The following SAXO1 variants were observed in gnomAD, a reference collection of about 807,000 sequenced individuals.
SAXO1 encodes the protein stabilizer of axonemal microtubules 1, also known as 4930500O09Rik.
A neutral mutation model predicts 17.5 loss-of-function variants in SAXO1; 21 were observed. The ratio of observed to expected loss-of-function variants is 1.20; its 90% CI spans 0.85 to 1.72. The LOEUF is 1.72. Among genes scored for constraint, SAXO1 ranks in the 40% most tolerant of loss-of-function variants. The pLI is 0.00. For missense variants in SAXO1, 843 were observed against 596.0 expected, an observed-to-expected ratio of 1.41 and a Z score of -4.32; for synonymous variants, 274 against 216.5, an observed-to-expected ratio of 1.27 and a Z score of -2.33.
At chr9:18,934,381 G>C (rs1831196601) in intron 3 of SAXO1, among the ~76,000 whole-genome samples, 1 of 152,034 alleles carries the variant, frequency 6.6e-6, no homozygotes, top group East Asian at 1.9e-4. Flanking sequence ...CTGTTCTTCA[G>C]ATTGGGAATC....
intron 1 of SAXO1, among the ~76,000 whole-genome samples, chr9:18,952,647 T>C (rs930454241): frequency 1.8e-4 from 27 of 152,236 alleles, no homozygotes; most frequent in African/African-American, 6.5e-4. Flanking sequence ...AGGCATGAAA[T>C]TGCCTGATTT....
At chr9:18,989,523 G>A (rs1051362348) in intron 1 of SAXO1, among the ~76,000 whole-genome samples, 1 of 151,296 alleles carries the variant, frequency 6.6e-6, no homozygotes. Flanking sequence ...TACAGAGCAT[G>A]AGCTAAAGGA....
At chr9:19,026,010 G>A (rs748566803) in intron 1 of SAXO1, among the ~76,000 whole-genome samples, 1 of 152,140 alleles carries the variant, frequency 6.6e-6, no homozygotes, top group Non-Finnish European at 1.5e-5. Context: ...ACAAAAATAA[G>A]TTGGATAGAA....
intron 1 of SAXO1, among the ~76,000 whole-genome samples, chr9:19,015,857 G>C (rs551119600): frequency 6.6e-6 from 1 of 152,076 alleles, no homozygotes; most frequent in Non-Finnish European, 1.5e-5. Context: ...GTTTTTTAAA[G>C]TGTAGTCCAT....
intron 1 of SAXO1, among the ~76,000 whole-genome samples, chr9:18,968,275 G>A (rs1165229198): frequency 6.6e-6 from 1 of 151,938 alleles, no homozygotes; most frequent in Non-Finnish European, 1.5e-5. Flanking sequence ...GAACTCTTGG[G>A]CTCAAGCAAT....
chr9:18,973,059 A>T (rs1833009856), intron 1 of SAXO1, among the ~76,000 whole-genome samples: 1 of 152,204 alleles, frequency 6.6e-6, no homozygotes, highest in Non-Finnish European at 1.5e-5. Flanking sequence ...CTGCAAAATC[A>T]AAGATGTGGA....
intron 1 of SAXO1, among the ~76,000 whole-genome samples, chr9:19,044,132 C>G (rs1836146365): frequency 8.2e-6 from 1 of 121,262 alleles, no homozygotes; most frequent in African/African-American, 3.8e-5. Context: ...GAGTGAGACT[C>G]TGTCTTAAAA....
rs1485483191 is a variant in SAXO1, at chr9:18,994,456, C to G, written c.38+38415G>C. ...TATTAGTTGTTATTTATACTACGTG[C>G]TCACTGGTAGACCACCCAGTGTTGT... On this transcript the variant is annotated intron_variant, in intron 1 of 3. Transcript: ENST00000380534. Among the ~76,000 whole-genome samples the G allele has an allele frequency of 5.3e-5, 8 of 152,316 alleles. No homozygotes were observed. The South Asian group carries it at 1.7e-3, about 32-fold the overall frequency.
chr9:18,990,542 G>T (rs1244610705), intron 1 of SAXO1, among the ~76,000 whole-genome samples: 1 of 152,094 alleles, frequency 6.6e-6, no homozygotes, highest in African/African-American at 2.4e-5. Flanking sequence ...CTACACTCAA[G>T]CCTGGGTGAC....
rs562842563 is a variant in SAXO1 at position 19,030,247 on chromosome 9, G to A, written c.38+2624C>T. On this transcript the variant is annotated intron_variant, in intron 1 of 3. Transcript: ENST00000380534. ...GCCAAGAAACCTGATCCAATTCAAG[G>A]TGTAGTTTCATGTAAGGGAATCATG... Among the ~76,000 whole-genome samples, 4 of 152,228 alleles carry A rather than the reference G, an allele frequency of 2.6e-5. No individual in the cohort carries two copies. The South Asian group carries it at 6.2e-4, about 24-fold the overall frequency.
At chr9:18,945,368 A>G (rs1283369101) in intron 2 of SAXO1, among the ~76,000 whole-genome samples, 3 of 152,194 alleles carry the variant, frequency 2.0e-5, no homozygotes, top group African/African-American at 4.8e-5. Context: ...GACTTCCGTG[A>G]TACCACTCCT....
At chr9:19,037,326 G>C (rs963905440), upstream of SAXO1, among the ~76,000 whole-genome samples, 1 of 152,158 alleles carries the variant, frequency 6.6e-6, no homozygotes, top group Non-Finnish European at 1.5e-5. Context: ...TGAAATGTGA[G>C]GACATGAGAT....
At chr9:19,000,710 AT>A (rs146442062) in intron 1 of SAXO1, among the ~76,000 whole-genome samples, 2,744 of 152,290 alleles carry the variant, frequency 0.018, 82 homozygotes, top group African/African-American at 0.06. Context: ...AATTAAAAAA[AT>A]AAAAATAAAA....
At chr9:19,008,305 C>G (rs776895848) in intron 1 of SAXO1, among the ~76,000 whole-genome samples, 10 of 152,122 alleles carry the variant, frequency 6.6e-5, no homozygotes, top group Non-Finnish European at 1.5e-4. Flanking sequence ...AAAAAGATTG[C>G]TGATTTCTGA....
intron 1 of SAXO1, among the ~76,000 whole-genome samples, chr9:18,957,700 C>G (rs537040490): frequency 6.6e-6 from 1 of 152,020 alleles, no homozygotes; most frequent in African/African-American, 2.4e-5. Flanking sequence ...TTCTAGGGTG[C>G]CTGGAATAGC....
intron 1 of SAXO1, among the ~76,000 whole-genome samples, chr9:18,963,138 G>A (rs1332069608): frequency 1.3e-5 from 2 of 152,166 alleles, no homozygotes; most frequent in Non-Finnish European, 2.9e-5. Context: ...TGAGGCCTCT[G>A]TTCTTTTCCA....
At chr9:19,044,579 A>C (rs776493832) in intron 1 of SAXO1, among the ~76,000 whole-genome samples, 1 of 152,194 alleles carries the variant, frequency 6.6e-6, no homozygotes, top group Non-Finnish European at 1.5e-5. Context: ...AGAAAGCTGA[A>C]TCCGGCGGGC....
At chr9:18,932,674 T>C (rs1006171995) in intron 3 of SAXO1, among the ~76,000 whole-genome samples, 2 of 152,348 alleles carry the variant, frequency 1.3e-5, no homozygotes, top group Non-Finnish European at 2.9e-5. Flanking sequence ...GAACACAGAA[T>C]GTCCATCATT....
intron 1 of SAXO1, among the ~76,000 whole-genome samples, chr9:19,031,617 G>A (rs1411752642): frequency 6.6e-6 from 1 of 152,186 alleles, no homozygotes; most frequent in East Asian, 1.9e-4. Flanking sequence ...GTAACATGTA[G>A]TCCTAGACTA....
Sources: allele counts gnomAD v4.1 joint callset (sites outside exome capture counted in the v4.1 genomes callset), GRCh38; gene constraint gnomAD v4.1.1; transcripts MANE v1.5; gene names NCBI Gene and HGNC (gene_info 2026-07-23, HGNC 2026-07-21).